The following RXFP2 variants were observed in gnomAD, a reference collection of about 807,000 sequenced individuals.
RXFP2 encodes relaxin family peptide receptor 2, also known as relaxin receptor 2.
RXFP2 carries 68 observed loss-of-function variants against 88.6 expected under a neutral mutation model. That is an observed-to-expected ratio of 0.77 (90% confidence interval 0.63 to 0.94). The LOEUF is 0.94. RXFP2 is among the 40% of genes least tolerant of loss of function. The pLI, the probability that RXFP2 is intolerant of heterozygous loss-of-function variation, is 0.00. For missense variants in RXFP2, 791 were observed against 893.9 expected (o/e 0.88, Z 1.47); for synonymous variants, 329 against 306.8 (o/e 1.07, Z -0.76).
chr13:31,792,924 T>A lies in RXFP2; in HGVS notation c.1622T>A (p.Ile541Asn), dbSNP rs566534731. 6.2e-7 allele frequency: 1 copy of A among 1,614,156 alleles called. No individual in the cohort carries two copies. The highest frequency in any genetic ancestry group is 2.2e-5 in the East Asian group (1 of 44,882). Reference sequence around the variant, plus strand: ...CCTGGAAAACGGCAGACCTCAGTCATCCTCATTTGCATCTGGATGGCGGGA... The same window carrying A: ...CCTGGAAAACGGCAGACCTCAGTCAACCTCATTTGCATCTGGATGGCGGGA... ...IRPGKRQTSV[I>N]LICIWMAGFL... is the part of the protein sequence containing the mutation. Residue 541 changes from isoleucine to asparagine, a missense_variant, in exon 16 of 18, where the codon ATC becomes AAC. By Grantham distance (149) the Ile-to-Asn change is moderately radical (BLOSUM62 -3). Coordinates refer to ENST00000298386, the MANE Select transcript of RXFP2 (RefSeq NM_130806.5).
chr13:31,753,206 T>C (rs1399690558), intron 1 of RXFP2, among the ~76,000 whole-genome samples: 1 of 152,124 alleles, frequency 6.6e-6, no homozygotes, highest in East Asian at 1.9e-4. Context: ...GACTTGTATA[T>C]CTCCATCAAT....
intron 2 of RXFP2, among the ~76,000 whole-genome samples, chr13:31,759,426 A>AAAGAAAGAAAGAAAGAAAG (rs1872182916): frequency 4.0e-5 from 6 of 149,044 alleles, no homozygotes; most frequent in Admixed American, 1.3e-4. Flanking sequence ...AGAAAGAAAG[A>AAAGAAAGAAAGAAAGAAAG]AAGAAAGAAA....
At chr13:31,758,480 A>T in intron 2 of RXFP2, 76 bp downstream of exon 2, 2 of 1,504,420 alleles carry the variant, frequency 1.3e-6, no homozygotes, top group Non-Finnish European at 9.2e-7. Context: ...TTGGATAATG[A>T]TTGTGATAAA....
chr13:31,789,245 A>T, intron 14 of RXFP2, 52 bp downstream of exon 14: 1 of 1,123,424 alleles, frequency 8.9e-7, no homozygotes, highest in South Asian at 1.2e-5. Context: ...GCTTCAAATT[A>T]TCTCCTGTAA....
chr13:31,792,129 A>G (rs1873823317), intron 15 of RXFP2, 94 bp downstream of exon 15: 2 of 922,448 alleles, frequency 2.2e-6, no homozygotes, highest in Admixed American at 2.4e-5. Flanking sequence ...AACAAATGGC[A>G]TTTAATGTGA....
At chr13:31,745,936 G>C (rs1362875187) in intron 1 of RXFP2, among the ~76,000 whole-genome samples, 1 of 152,194 alleles carries the variant, frequency 6.6e-6, no homozygotes, top group Non-Finnish European at 1.5e-5. Context: ...GAGATTAGGA[G>C]ACGGGAGGCA....
Position 31,785,738 on chromosome 13 carries a change from G to A in RXFP2, c.930-645G>A, listed in dbSNP as rs181737748. Among the ~76,000 whole-genome samples the A allele has an allele frequency of 5.1e-4, 77 of 152,018 alleles. 1 individual carries two copies. Among genetic ancestry groups the A allele is most frequent in the African/African-American group, 1.8e-3 (75 of 41,454 alleles). On this transcript the variant is annotated intron_variant, in intron 11 of 17. Transcript: ENST00000298386. ...TTCTCTGGCTCAGAAATATACTCTG[G>A]ACTCTTAAAGATTCATTTCTTCTGA...
chr13:31,802,765 ACACT>A lies in RXFP2; in HGVS notation c.*364_*367del. On this transcript the variant is annotated 3_prime_UTR_variant, in exon 18 of 18. Transcript: ENST00000298386. ...GGGTTGCACTGTCCATGAAATAGAAACACTCACAACATCTGATTCCAGTGTGGCC... is the reference window on the plus strand; with the variant it reads ...GGGTTGCACTGTCCATGAAATAGAAACACAACATCTGATTCCAGTGTGGCC... 1 of 221,244 alleles carries A rather than the reference ACACT, an allele frequency of 4.5e-6. No homozygotes were observed. Among genetic ancestry groups the A allele is most frequent in the Non-Finnish European group, 9.1e-6 (1 of 109,630 alleles). 13.7% of individuals were successfully genotyped at this position (221,244 alleles called of 1,614,324 possible).
Position 31,792,010 on chromosome 13 carries a change from C to T in RXFP2, c.1350C>T (p.His450=), listed in dbSNP as rs768714637. 1.9e-5 allele frequency: 30 copies of T among 1,612,826 alleles called. No homozygotes were observed. In the East Asian group the frequency reaches 4.7e-4, roughly 25 times the overall value. Reference sequence around the variant, plus strand: ...TCATTAAAGCTGAAAATACAACTCACGCTATGTCCATCAAAATCCTTTGTT... The same window carrying T: ...TCATTAAAGCTGAAAATACAACTCATGCTATGTCCATCAAAATCCTTTGTT... ...RSFIKAENTT[H]AMSIKILCCA... Residue 450 remains histidine, a synonymous_variant, in exon 15 of 18, where the codon CAC becomes CAT. Transcript: ENST00000298386.
chr13:31,770,472 C>G (rs1872696206), intron 5 of RXFP2, among the ~76,000 whole-genome samples: 1 of 152,172 alleles, frequency 6.6e-6, no homozygotes, highest in Non-Finnish European at 1.5e-5. Context: ...CCATCTTGGG[C>G]TTTCACTGAC....
chr13:31,746,849 T>C (rs183888593), intron 1 of RXFP2, among the ~76,000 whole-genome samples: 508 of 147,892 alleles, frequency 3.4e-3, no homozygotes, highest in African/African-American at 4.5e-3. Flanking sequence ...TAGAAGACAC[T>C]GATTCTCTTT....
intron 13 of RXFP2, among the ~76,000 whole-genome samples, chr13:31,788,584 C>A (rs1273229947): frequency 6.6e-6 from 1 of 152,084 alleles, no homozygotes; most frequent in South Asian, 2.1e-4. Flanking sequence ...TTAAATTTAA[C>A]TTAAATTTAA....
intron 11 of RXFP2, among the ~76,000 whole-genome samples, chr13:31,783,966 G>A (rs1873402961): frequency 6.8e-6 from 1 of 146,694 alleles, no homozygotes; most frequent in South Asian, 2.2e-4. Context: ...CCAGGTACCT[G>A]CCACCATGCC....
intron 14 of RXFP2, among the ~76,000 whole-genome samples, chr13:31,789,542 T>C (rs1203260195): frequency 2.6e-5 from 4 of 152,214 alleles, no homozygotes; most frequent in Non-Finnish European, 5.9e-5. Flanking sequence ...AGTCGGCTGC[T>C]CTAAGATTTG....
intron 1 of RXFP2, among the ~76,000 whole-genome samples, chr13:31,754,226 C>A (rs1871816934): frequency 6.6e-6 from 1 of 152,150 alleles, no homozygotes; most frequent in Non-Finnish European, 1.5e-5. Flanking sequence ...TAGTTAGGTC[C>A]AGCCCTCAAA....
In RXFP2 at chr13:31,792,722, T is replaced by C; in HGVS notation, c.1420T>C (p.Phe474Leu). Residue 474 changes from phenylalanine (F) to leucine (L), a missense_variant, in exon 16 of 18, where the codon TTC becomes CTC. Coordinates refer to ENST00000298386, the MANE Select transcript of RXFP2 (RefSeq NM_130806.5). ...MGVYLFFVGI[F>L]DIKYRGQYQK... ...TGTTTACTTGTTCTTTGTTGGCATT[T>C]TCGATATAAAATACCGAGGGCAGTA... is the stretch of plus-strand genomic sequence containing the variant. 1 of 1,614,198 alleles carries C rather than the reference T, an allele frequency of 6.2e-7. No individual in the cohort carries two copies. The highest frequency in any genetic ancestry group is 8.5e-7 in the Non-Finnish European group (1 of 1,180,030).
chr13:31,774,458 T>C (rs1049961519), intron 5 of RXFP2, among the ~76,000 whole-genome samples, 162 bp from the exon 6 acceptor site: 4 of 152,208 alleles, frequency 2.6e-5, no homozygotes, highest in African/African-American at 7.2e-5. Context: ...ACTGGCTAGT[T>C]GGTAGCCATT....
intron 1 of RXFP2, among the ~76,000 whole-genome samples, chr13:31,744,132 T>C (rs1871316868): frequency 6.6e-6 from 1 of 152,180 alleles, no homozygotes; most frequent in South Asian, 2.1e-4. Flanking sequence ...TCACCATGTC[T>C]GTTGCTTGCT....
At chr13:31,785,894 T>C (rs1394352868) in intron 11 of RXFP2, among the ~76,000 whole-genome samples, 1 of 152,214 alleles carries the variant, frequency 6.6e-6, no homozygotes, top group East Asian at 1.9e-4. Context: ...GAAGAACATA[T>C]TAAAAGCGTG....
Sources: allele counts gnomAD v4.1 joint callset (sites outside exome capture counted in the v4.1 genomes callset), GRCh38; gene constraint gnomAD v4.1.1; transcripts MANE v1.5; gene names NCBI Gene and HGNC (gene_info 2026-07-23, HGNC 2026-07-21).